TEK: variants seen among roughly 807,000 people sequenced by gnomAD.
TEK encodes TEK receptor tyrosine kinase.
In TEK, 43 loss-of-function variants were observed where a neutral mutation model predicts 131.8. The ratio of observed to expected loss-of-function variants is 0.33; its 90% CI spans 0.26 to 0.42. The LOEUF (loss-of-function observed/expected upper bound fraction) is 0.42, where lower values mean the gene tolerates loss of function less well. Among genes scored for constraint, TEK ranks in the 10% least tolerant of loss-of-function variants. The probability of loss-of-function intolerance (pLI) is 1.00; values close to 1 mark genes in which losing one functional copy is unlikely to be tolerated. For missense variants in TEK, 1,162 were observed against 1,384.4 expected, an observed-to-expected ratio of 0.84 and a Z score of 2.55; for synonymous variants, 580 against 491.6, an observed-to-expected ratio of 1.18 and a Z score of -2.38.
intron 1 of TEK, among the ~76,000 whole-genome samples, chr9:27,140,649 C>T (rs571091466): frequency 2.1e-4 from 32 of 151,990 alleles, no homozygotes; most frequent in Admixed American, 2.1e-3. Context: ...TAAAGATATA[C>T]ATATCTTTAT....
intron 22 of TEK, among the ~76,000 whole-genome samples, chr9:27,228,596 A>AAT (rs1264991727): frequency 4.6e-5 from 7 of 152,144 alleles, no homozygotes; most frequent in Non-Finnish European, 8.8e-5. Context: ...AATTTTATAG[A>AAT]TGAAGAAACA....
chr9:27,122,087 C>A (rs1387774480), intron 1 of TEK, among the ~76,000 whole-genome samples: 1 of 152,186 alleles, frequency 6.6e-6, no homozygotes. Flanking sequence ...AACGAGCAGG[C>A]AATGCCCGTC....
chr9:27,136,663 CAAAG>C (rs140268540), intron 1 of TEK, among the ~76,000 whole-genome samples: 2,269 of 152,222 alleles, frequency 0.015, 35 homozygotes, highest in Middle Eastern at 0.034. Context: ...CGACTGGAGA[CAAAG>C]AAGCAGTTTC....
intron 1 of TEK, among the ~76,000 whole-genome samples, chr9:27,137,621 T>C (rs928711688): frequency 6.6e-6 from 1 of 152,150 alleles, no homozygotes; most frequent in South Asian, 2.1e-4. Context: ...TTTATATATA[T>C]TTTTAAACTT....
chr9:27,178,079 A>G (rs917662397), intron 6 of TEK, among the ~76,000 whole-genome samples: 5 of 152,116 alleles, frequency 3.3e-5, no homozygotes, highest in South Asian at 2.1e-4. Flanking sequence ...GTTTTCTTCT[A>G]GTAGTTTTAC....
chr9:27,202,542 T>C (rs1825255728), intron 12 of TEK, among the ~76,000 whole-genome samples: 1 of 152,210 alleles, frequency 6.6e-6, no homozygotes. Context: ...CTTCCCAGCA[T>C]CAAGAATAGT....
chr9:27,183,364 C>T (rs1339535614), intron 7 of TEK, 95 bp from the exon 8 acceptor site: 24 of 1,360,296 alleles, frequency 1.8e-5, no homozygotes, highest in Middle Eastern at 2.4e-4. Context: ...AGTTCTTGCC[C>T]GGTGCATGAC....
intron 1 of TEK, among the ~76,000 whole-genome samples, chr9:27,146,924 T>C (rs1005012730): frequency 4.6e-5 from 7 of 151,928 alleles, no homozygotes; most frequent in South Asian, 2.1e-4. Flanking sequence ...AGAGACGGGG[T>C]TTCACCGTGT....
chr9:27,117,934 T>C (rs1330395408), intron 1 of TEK, among the ~76,000 whole-genome samples: 3 of 152,136 alleles, frequency 2.0e-5, no homozygotes, highest in African/African-American at 7.2e-5. Flanking sequence ...CCAGATACAA[T>C]AGGCGGAGTC....
At chr9:27,163,659 T>G (rs1226912004) in intron 2 of TEK, among the ~76,000 whole-genome samples, 1 of 152,190 alleles carries the variant, frequency 6.6e-6, no homozygotes, top group Non-Finnish European at 1.5e-5. Flanking sequence ...TGTCTCAACT[T>G]CCACATTTAT....
chr9:27,220,342 A>C (rs891073791), intron 21 of TEK, among the ~76,000 whole-genome samples, 197 bp downstream of exon 21: 1 of 152,214 alleles, frequency 6.6e-6, no homozygotes, highest in Admixed American at 6.5e-5. Context: ...CTTTACAGGC[A>C]TAGAAATTCA....
intron 21 of TEK, among the ~76,000 whole-genome samples, chr9:27,220,971 C>G (rs886439735): frequency 2.6e-5 from 4 of 152,208 alleles, no homozygotes; most frequent in African/African-American, 9.7e-5. Flanking sequence ...GCCAGGGAGC[C>G]AAGTGGTCTA....
chr9:27,148,489 G>A (rs1200428260), intron 1 of TEK, among the ~76,000 whole-genome samples: 1 of 152,198 alleles, frequency 6.6e-6, no homozygotes, highest in Non-Finnish European at 1.5e-5. Context: ...CCTCTAGCGG[G>A]TTAGTCTTGG....
intron 21 of TEK, among the ~76,000 whole-genome samples, chr9:27,221,614 G>C (rs983590230): frequency 6.6e-6 from 1 of 152,196 alleles, no homozygotes; most frequent in Non-Finnish European, 1.5e-5. Flanking sequence ...GTGATATCCA[G>C]GCAGACAGGG....
chr9:27,194,263 A>G (rs994238567), intron 11 of TEK, among the ~76,000 whole-genome samples: 1 of 152,248 alleles, frequency 6.6e-6, no homozygotes, highest in Non-Finnish European at 1.5e-5. Flanking sequence ...CAGGAAGAAC[A>G]TCCACTTTTC....
chr9:27,118,354 G>A (rs1195108357), intron 1 of TEK, among the ~76,000 whole-genome samples: 3 of 152,162 alleles, frequency 2.0e-5, no homozygotes, highest in African/African-American at 7.2e-5. Flanking sequence ...TAAGTGACCA[G>A]CCAGGTGTGG....
At chr9:27,162,801 T>C (rs1181633206) in intron 2 of TEK, among the ~76,000 whole-genome samples, 2 of 152,028 alleles carry the variant, frequency 1.3e-5, no homozygotes, top group Non-Finnish European at 2.9e-5. Context: ...CTGCAACCTC[T>C]GCCTCCTGGG....
At chr9:27,136,082 G>GTTATT (rs1554689011) in intron 1 of TEK, among the ~76,000 whole-genome samples, 8 of 99,196 alleles carry the variant, frequency 8.1e-5, no homozygotes, top group Admixed American at 2.1e-4. Context: ...TCCCAGGGCA[G>GTTATT]TTATTTTTTT....
chr9:27,183,762 G>A (rs1564082400), intron 8 of TEK, 152 bp downstream of exon 8: 2 of 1,062,424 alleles, frequency 1.9e-6, no homozygotes, highest in Non-Finnish European at 1.4e-6. Flanking sequence ...TGGAGAGGCA[G>A]AACTGACTCA....
Sources: allele counts gnomAD v4.1 joint callset (sites outside exome capture counted in the v4.1 genomes callset), GRCh38; gene constraint gnomAD v4.1.1; transcripts MANE v1.5; gene names NCBI Gene and HGNC (gene_info 2026-07-23, HGNC 2026-07-21).